The following ITGB6 variants were observed in gnomAD, a reference collection of about 807,000 sequenced individuals.
ITGB6 encodes integrin beta-6.
A neutral mutation model predicts 84.5 loss-of-function variants in ITGB6; 80 were observed. The ratio of observed to expected loss-of-function variants is 0.95; its 90% confidence interval spans 0.79 to 1.14. The LOEUF (loss-of-function observed/expected upper bound fraction) is 1.14, where lower values mean the gene tolerates loss of function less well. Ranked by LOEUF, ITGB6 falls within the 50% of genes most tolerant of loss-of-function variation. The probability of loss-of-function intolerance (pLI) is 0.00; values close to 1 mark genes in which losing one functional copy is unlikely to be tolerated. For synonymous variants in ITGB6, 383 were observed against 354.9 expected (o/e 1.08, Z -0.89); for missense variants, 1,006 against 968.0 (o/e 1.04, Z -0.52).
chr2:160,117,125 G>A (rs1682812866), intron 12 of ITGB6, among the ~76,000 whole-genome samples: 1 of 151,564 alleles, frequency 6.6e-6, no homozygotes, highest in South Asian at 2.1e-4. Context: ...AGTTAACAAG[G>A]ATACCCAGGA....
At chr2:160,166,269 T>C (rs1039858482) in intron 7 of ITGB6, among the ~76,000 whole-genome samples, 1 of 152,218 alleles carries the variant, frequency 6.6e-6, no homozygotes, top group African/African-American at 2.4e-5. Flanking sequence ...TACTTCTTGT[T>C]TACTTTCCAA....
intron 10 of ITGB6, among the ~76,000 whole-genome samples, chr2:160,133,675 T>C (rs909544025): frequency 1.2e-4 from 19 of 152,036 alleles, no homozygotes; most frequent in Non-Finnish European, 2.2e-4. Context: ...CCTCAGCAAA[T>C]GTAAAAGAAC....
chr2:160,138,721 T>C (rs1455989639), intron 8 of ITGB6, among the ~76,000 whole-genome samples: 1 of 152,244 alleles, frequency 6.6e-6, no homozygotes. Flanking sequence ...CACCAATGAA[T>C]ATTTGCTTCA....
chr2:160,155,055 G>A (rs1021645267), intron 7 of ITGB6, among the ~76,000 whole-genome samples: 5 of 152,118 alleles, frequency 3.3e-5, no homozygotes, highest in African/African-American at 7.2e-5. Flanking sequence ...CCTTCTCCGC[G>A]CCTGCTTTTC....
chr2:160,149,349 C>A (rs1459043181), intron 7 of ITGB6, among the ~76,000 whole-genome samples: 1 of 152,194 alleles, frequency 6.6e-6, no homozygotes, highest in Non-Finnish European at 1.5e-5. Flanking sequence ...TCCAACACAC[C>A]TGCAGCTGAG....
intron 8 of ITGB6, 72 bp from the exon 9 acceptor site, chr2:160,138,271 T>A: frequency 7.1e-7 from 1 of 1,406,776 alleles, no homozygotes; most frequent in South Asian, 1.5e-5. Context: ...AAACCGTGAA[T>A]CATGTTCATT....
At chr2:160,173,748 C>T (rs541288095) in intron 5 of ITGB6, among the ~76,000 whole-genome samples, 1 of 152,228 alleles carries the variant, frequency 6.6e-6, no homozygotes, top group South Asian at 2.1e-4. Context: ...ATTTTCCCAA[C>T]ACGACAATTT....
chr2:160,168,578 T>C (rs1398812317), intron 7 of ITGB6, among the ~76,000 whole-genome samples: 1 of 152,216 alleles, frequency 6.6e-6, no homozygotes, highest in East Asian at 1.9e-4. Context: ...TGTATGTGCA[T>C]ATATCGTATT....
At chr2:160,109,937 A>G (rs1307067245) in intron 13 of ITGB6, among the ~76,000 whole-genome samples, 1 of 152,256 alleles carries the variant, frequency 6.6e-6, no homozygotes, top group Non-Finnish European at 1.5e-5. Flanking sequence ...CAGCTTTTAT[A>G]CTGATTACAC....
intron 7 of ITGB6, among the ~76,000 whole-genome samples, chr2:160,151,496 A>G (rs1000409115): frequency 6.6e-6 from 1 of 152,248 alleles, no homozygotes; most frequent in African/African-American, 2.4e-5. Flanking sequence ...GAAAGCAGGA[A>G]AGATCTAAAA....
At chr2:160,110,445 C>T (rs977682341) in intron 13 of ITGB6, among the ~76,000 whole-genome samples, 30 of 152,208 alleles carry the variant, frequency 2.0e-4, no homozygotes, top group African/African-American at 7.0e-4. Flanking sequence ...GCACTCTTTC[C>T]CCTTTTCTAT....
intron 7 of ITGB6, among the ~76,000 whole-genome samples, chr2:160,160,470 A>C (rs55959207): frequency 0.31 from 46,798 of 152,122 alleles, 8,978 homozygotes; most frequent in Non-Finnish European, 0.42. Flanking sequence ...TCAACAAATA[A>C]TGATTCCAAA....
chr2:160,194,805 A>G (rs924606487), intron 4 of ITGB6, among the ~76,000 whole-genome samples: 1 of 152,206 alleles, frequency 6.6e-6, no homozygotes, highest in Non-Finnish European at 1.5e-5. Flanking sequence ...ATTATAGCAT[A>G]TGAGAATGGA....
At chr2:160,152,072 A>G (rs571216717) in intron 7 of ITGB6, among the ~76,000 whole-genome samples, 3 of 152,336 alleles carry the variant, frequency 2.0e-5, no homozygotes, top group South Asian at 2.1e-4. Flanking sequence ...ATAGAAAAAG[A>G]GGGAATCCTC....
At chr2:160,154,903 C>A (rs1179430527) in intron 7 of ITGB6, among the ~76,000 whole-genome samples, 1 of 152,138 alleles carries the variant, frequency 6.6e-6, no homozygotes, top group Non-Finnish European at 1.5e-5. Flanking sequence ...GAATTGTAAT[C>A]CCCAATGTTG....
chr2:160,186,975 G>A (rs1007037127), intron 4 of ITGB6, among the ~76,000 whole-genome samples: 2 of 151,840 alleles, frequency 1.3e-5, no homozygotes, highest in African/African-American at 2.4e-5. Context: ...GGGGGTGGGA[G>A]GCTAGGGGGA....
intron 8 of ITGB6, among the ~76,000 whole-genome samples, chr2:160,139,652 T>C (rs1022119722): frequency 6.6e-6 from 1 of 152,200 alleles, no homozygotes; most frequent in African/African-American, 2.4e-5. Context: ...AACAGCATAT[T>C]GCAAATTTGA....
At chr2:160,186,675 C>T (rs1685910195) in intron 4 of ITGB6, among the ~76,000 whole-genome samples, 1 of 152,118 alleles carries the variant, frequency 6.6e-6, no homozygotes, top group African/African-American at 2.4e-5. Flanking sequence ...TGTATGTTTA[C>T]TGTGGCACTG....
chr2:160,179,186 G>T (rs1033404384), intron 4 of ITGB6, among the ~76,000 whole-genome samples: 22 of 151,726 alleles, frequency 1.4e-4, no homozygotes, highest in African/African-American at 5.3e-4. Context: ...TATAAAATAA[G>T]ACTATAATCA....
Sources: allele counts gnomAD v4.1 joint callset (sites outside exome capture counted in the v4.1 genomes callset), GRCh38; gene constraint gnomAD v4.1.1; transcripts MANE v1.5; gene names NCBI Gene and HGNC (gene_info 2026-07-23, HGNC 2026-07-21).